The following FSHR variants were observed in gnomAD, a reference collection of about 807,000 sequenced individuals.
The protein encoded by FSHR is follicle-stimulating hormone receptor.
In FSHR, 46 loss-of-function variants were observed where a neutral mutation model predicts 52.1. The observed-to-expected ratio is 0.88, with a 90% CI of 0.70 to 1.13. The LOEUF (loss-of-function observed/expected upper bound fraction) is 1.13. Ranked by LOEUF, FSHR falls within the 50% of genes most tolerant of loss-of-function variation. FSHR has a pLI of 0.00. For missense variants in FSHR, 964 were observed against 834.6 expected (o/e 1.16, Z -1.91); for synonymous variants, 399 against 309.6 (o/e 1.29, Z -3.03).
intron 4 of FSHR, among the ~76,000 whole-genome samples, chr2:49,010,375 A>C (rs1305259406): frequency 6.6e-6 from 1 of 151,494 alleles, no homozygotes; most frequent in African/African-American, 2.4e-5. Flanking sequence ...CCAGGGATGA[A>C]GCCCACTTGA....
At chr2:49,015,763 A>G (rs1209288492) in intron 4 of FSHR, among the ~76,000 whole-genome samples, 1 of 152,308 alleles carries the variant, frequency 6.6e-6, no homozygotes, top group African/African-American at 2.4e-5. Flanking sequence ...CTAACCTCTA[A>G]GCAGGACTGG....
At chr2:49,010,756 G>T (rs1667240064) in intron 4 of FSHR, among the ~76,000 whole-genome samples, 1 of 152,048 alleles carries the variant, frequency 6.6e-6, no homozygotes. Context: ...TTTAGTCTTG[G>T]AAGAATGTAT....
At chr2:49,040,680 T>G (rs751728173) in intron 2 of FSHR, among the ~76,000 whole-genome samples, 11 of 152,096 alleles carry the variant, frequency 7.2e-5, no homozygotes, top group Admixed American at 3.3e-4. Context: ...ATAGCATGGA[T>G]GTGGGGCCAT....
intron 1 of FSHR, among the ~76,000 whole-genome samples, chr2:49,112,898 AC>A (rs1671470677): frequency 1.3e-5 from 2 of 152,296 alleles, no homozygotes; most frequent in Admixed American, 6.5e-5. Flanking sequence ...AGTCCTGAGA[AC>A]TTTTATTCCT....
intron 2 of FSHR, among the ~76,000 whole-genome samples, chr2:49,040,268 G>C (rs374623853): frequency 1.1e-4 from 17 of 151,934 alleles, no homozygotes; most frequent in African/African-American, 3.9e-4. Flanking sequence ...GAGATGGTTA[G>C]ACCAGCATGG....
chr2:49,072,298 C>T (rs1023488718), intron 1 of FSHR, among the ~76,000 whole-genome samples: 13 of 151,902 alleles, frequency 8.6e-5, no homozygotes, highest in African/African-American at 2.9e-4. Flanking sequence ...GAAGACATCG[C>T]AATTATAATT....
intron 1 of FSHR, among the ~76,000 whole-genome samples, chr2:49,152,111 C>T (rs1673083706): frequency 6.6e-6 from 1 of 152,130 alleles, no homozygotes; most frequent in African/African-American, 2.4e-5. Context: ...TTCTAAAGCT[C>T]TTAACTATAC....
intron 1 of FSHR, 121 bp downstream of exon 1, chr2:49,154,145 A>T: frequency 9.3e-7 from 1 of 1,071,832 alleles, no homozygotes; most frequent in East Asian, 2.6e-5. Flanking sequence ...TTTATTCAGG[A>T]CTTCGGTCAA....
chr2:49,130,108 A>T (rs1672210279), intron 1 of FSHR, among the ~76,000 whole-genome samples: 1 of 152,188 alleles, frequency 6.6e-6, no homozygotes, highest in Admixed American at 6.5e-5. Context: ...TGGATGTACC[A>T]CTTAGGCAAG....
In FSHR at chr2:48,975,414, T is replaced by A. The variant is rs954859777; in HGVS notation, c.669-6531A>T. On this transcript the variant is annotated intron_variant, in intron 8 of 9. Transcript: ENST00000406846. Reference sequence around the variant, plus strand: ...GAACACTGGATGGTGTTCAAGTCAGTCCACCCAATGTATCATTCTACTTAC... The same window carrying A: ...GAACACTGGATGGTGTTCAAGTCAGACCACCCAATGTATCATTCTACTTAC... Among the ~76,000 whole-genome samples, 7 of 152,224 alleles carry A rather than the reference T, an allele frequency of 4.6e-5. No individual in the cohort carries two copies. In the East Asian group the frequency reaches 9.7e-4, roughly 21 times the overall value.
intron 8 of FSHR, among the ~76,000 whole-genome samples, chr2:48,978,809 C>T (rs769604819): frequency 2.6e-5 from 4 of 152,200 alleles, no homozygotes; most frequent in Non-Finnish European, 5.9e-5. Context: ...TGCACCCTTG[C>T]ACCCTCAGGT....
chr2:49,014,033 C>T, intron 4 of FSHR, among the ~76,000 whole-genome samples: 1 of 152,128 alleles, frequency 6.6e-6, no homozygotes, highest in Admixed American at 6.5e-5. Flanking sequence ...AGGAAGAGGG[C>T]CCTTACCAAG....
chr2:49,010,342 G>A (rs1419976849), intron 4 of FSHR, among the ~76,000 whole-genome samples: 1 of 149,128 alleles, frequency 6.7e-6, no homozygotes, highest in Non-Finnish European at 1.5e-5. Flanking sequence ...ATTGATTTGT[G>A]TATATTGAAC....
At chr2:49,047,304 A>C (rs991283978) in intron 2 of FSHR, among the ~76,000 whole-genome samples, 17 of 152,210 alleles carry the variant, frequency 1.1e-4, no homozygotes, top group African/African-American at 3.9e-4. Context: ...GGAAGATATA[A>C]AAGGAGTACA....
chr2:49,034,664 G>C (rs998706572), intron 2 of FSHR, among the ~76,000 whole-genome samples: 12 of 152,276 alleles, frequency 7.9e-5, no homozygotes, highest in Middle Eastern at 3.4e-3. Context: ...GGAATGATTA[G>C]AATTATTATT....
chr2:49,026,860 G>A (rs747537061), intron 2 of FSHR, among the ~76,000 whole-genome samples: 2 of 152,034 alleles, frequency 1.3e-5, no homozygotes, highest in Non-Finnish European at 2.9e-5. Flanking sequence ...GACCCCCTGA[G>A]GTCACCTCAT....
At chr2:49,020,199 T>C (rs753998909) in intron 2 of FSHR, 39 bp from the exon 3 acceptor site, 3 of 1,506,428 alleles carry the variant, frequency 2.0e-6, no homozygotes, top group East Asian at 2.3e-5. Context: ...CCAGTTCAGT[T>C]ACACTCCTTG....
intron 2 of FSHR, among the ~76,000 whole-genome samples, chr2:49,042,415 A>G (rs151023519): frequency 6.6e-6 from 1 of 152,312 alleles, no homozygotes; most frequent in South Asian, 2.1e-4. Context: ...ACAACATCCT[A>G]AAAACAGGAT....
intron 1 of FSHR, among the ~76,000 whole-genome samples, chr2:49,140,863 T>C (rs564761537): frequency 6.6e-6 from 1 of 152,280 alleles, no homozygotes; most frequent in Non-Finnish European, 1.5e-5. Flanking sequence ...GTGAGGAGCA[T>C]TTAGGGAGCA....
Sources: gnomAD v4.1 joint callset for allele counts (sites outside exome capture counted in the v4.1 genomes callset) on GRCh38, gnomAD v4.1.1 for gene constraint, MANE v1.5 for transcripts, NCBI Gene and HGNC (gene_info 2026-07-23, HGNC 2026-07-21) for gene names.